Variants in BRCA2 observed in about 807,000 individuals in gnomAD.
The protein encoded by BRCA2 is breast cancer type 2 susceptibility protein.
A neutral mutation model predicts 276.7 loss-of-function variants in BRCA2; 203 were observed. That is an observed-to-expected ratio of 0.73 (90% CI 0.65 to 0.82). The LOEUF is 0.82. Among genes scored for constraint, BRCA2 ranks in the 40% least tolerant of loss-of-function variants. The probability of loss-of-function intolerance (pLI) is 0.00; values close to 1 mark genes in which losing one functional copy is unlikely to be tolerated. For synonymous variants in BRCA2, 1,289 were observed against 1,338.4 expected (o/e 0.96, Z 0.81); for missense variants, 3,920 against 3,915.0 (o/e 1.00, Z -0.03).
rs80358820 is a variant in BRCA2, at chr13:32,340,237, G to T, written c.5882G>T (p.Ser1961Ile). The T allele has an allele frequency of 2.5e-6, 4 of 1,613,970 alleles. 1 individual carries two copies. The South Asian group carries it at 4.4e-5, about 18-fold the overall frequency. Residue 1961 changes from serine to isoleucine, a missense_variant, in exon 11 of 27, where the codon AGT (serine) becomes ATT (isoleucine). Physicochemically the swap from Ser to Ile is moderately radical, Grantham distance 142 (BLOSUM62 -2). Around this residue, in one of 2 missense-constraint regions of BRCA2, gnomAD observed 3,263 missense variants for 3,156.9 expected, o/e 1.03. Transcript: ENST00000380152. ...GAAACTTCAGATATATGTAAATGTA[G>T]TATAGGGAAGCTTCATAAGTCAGTC... ...SLETSDICKC[S>I]IGKLHKSVSS...
rs542862629 is a variant in BRCA2, at chr13:32,360,687, C to T, written c.7806-1836C>T. On this transcript the variant is annotated intron_variant, in intron 16 of 26. Coordinates refer to ENST00000380152, the MANE Select transcript of BRCA2 (RefSeq NM_000059.4). The stretch of plus-strand genomic sequence containing the variant: ...CTGACTTATTTTTGAAAAAATAATT[C>T]TGGCTGTTTGTTGAGGAGAGGGGCA... Among the ~76,000 whole-genome samples, 16 of 152,198 alleles carry T rather than the reference C, an allele frequency of 1.1e-4. No individual in the cohort carries two copies. The South Asian group carries it at 2.7e-3, about 26-fold the overall frequency.
chr13:32,379,490 C>T lies in BRCA2; in HGVS notation c.8928C>T (p.Ser2976=), dbSNP rs771267741. 1.9e-6 allele frequency: 3 copies of T among 1,612,446 alleles called. No individual in the cohort carries two copies. Among genetic ancestry groups the T allele is most frequent in the East Asian group, 4.5e-5 (2 of 44,832 alleles). The part of the protein sequence containing the change: ...VTTVWKLRIV[S]YSKKEKDSVI... ...CCGTGTGGAAGTTGCGTATTGTAAGCTATTCAAAAAAAGAAAAAGATTCAG... is the reference window on the plus strand; with the variant it reads ...CCGTGTGGAAGTTGCGTATTGTAAGTTATTCAAAAAAAGAAAAAGATTCAG... Residue 2976 remains serine, a synonymous_variant, in exon 22 of 27, where the codon AGC becomes AGT. Transcript: ENST00000380152.
At chr13:32,335,532 G>GT (rs1233952320) in intron 10 of BRCA2, among the ~76,000 whole-genome samples, 1 of 151,758 alleles carries the variant, frequency 6.6e-6, no homozygotes. Flanking sequence ...TTGTGGTTTT[G>GT]TTTTTTTCAA....
rs199863034 is a variant in BRCA2 at position 32,338,397 on chromosome 13, T to A, written c.4042T>A (p.Cys1348Ser). 1.9e-6 allele frequency: 3 copies of A among 1,600,844 alleles called. No individual in the cohort carries two copies. In the African/African-American group the frequency reaches 4.0e-5, roughly 22 times the overall value. Reference protein sequence around the residue: ...GSDSSKNDTVCIHKDETDLLF... With the variant: ...GSDSSKNDTVSIHKDETDLLF... ...TGATTCAAGTAAAAATGATACTGTTTGTATTCATAAAGATGAAACGGACTT... is the reference window on the plus strand; with the variant it reads ...TGATTCAAGTAAAAATGATACTGTTAGTATTCATAAAGATGAAACGGACTT... Residue 1348 changes from cysteine (C) to serine (S), a missense_variant, in exon 11 of 27, where the codon TGT becomes AGT. This residue lies in a region of BRCA2 where 3,263 missense variants were observed against 3,156.9 expected (regional missense o/e 1.03). Transcript: ENST00000380152.
At chr13:32,319,582 A>G (rs2072292357) in intron 3 of BRCA2, among the ~76,000 whole-genome samples, 1 of 152,166 alleles carries the variant, frequency 6.6e-6, no homozygotes. Context: ...GATTTGCTGA[A>G]TTACGTCTTT....
At chr13:32,378,882 A>T (rs1203425170) in intron 21 of BRCA2, among the ~76,000 whole-genome samples, 2 of 152,152 alleles carry the variant, frequency 1.3e-5, no homozygotes, top group Non-Finnish European at 2.9e-5. Context: ...TCTAGGGCCA[A>T]CCTCTACTAC....
In BRCA2 at chr13:32,380,154, C is replaced by T; in HGVS notation, c.9256+9C>T. 2 of 1,600,996 alleles carry T rather than the reference C, an allele frequency of 1.2e-6. No homozygotes were observed. The highest frequency in any genetic ancestry group is 2.3e-5 in the South Asian group (2 of 88,118). On this transcript the variant is annotated intron_variant, in intron 24 of 26. Coordinates refer to ENST00000380152, the MANE Select transcript of BRCA2 (RefSeq NM_000059.4). ...TGTTGTGAAAAAAACAGGTAATGCA[C>T]AATATAGTTAATTTTTTTTATTGAT...
In BRCA2 at chr13:32,340,966, C is replaced by T. The variant is rs1555284771; in HGVS notation, c.6611C>T (p.Pro2204Leu). Residue 2204 changes from proline (P) to leucine (L), a missense_variant, in exon 11 of 27, where the codon CCT (proline) becomes CTT (leucine). Physicochemically the swap from Pro to Leu is moderately conservative, Grantham distance 98. Transcript: ENST00000380152. ...IGKTETFSDV[P>L]VKTNIEVCST... Reference sequence around the variant, plus strand: ...AAAACTGAAACTTTTTCTGATGTTCCTGTGAAAACAAATATAGAAGTTTGT... The same window carrying T: ...AAAACTGAAACTTTTTCTGATGTTCTTGTGAAAACAAATATAGAAGTTTGT... 1 of 1,608,908 alleles carries T rather than the reference C, an allele frequency of 6.2e-7. No homozygotes were observed. Among genetic ancestry groups the T allele is most frequent in the Non-Finnish European group, 8.5e-7 (1 of 1,178,708 alleles).
intron 20 of BRCA2, among the ~76,000 whole-genome samples, 167 bp downstream of exon 20, chr13:32,371,267 G>A (rs1298628504): frequency 6.6e-6 from 1 of 151,980 alleles, no homozygotes; most frequent in Admixed American, 6.6e-5. Flanking sequence ...ACAAAGAATA[G>A]CAACAAGGGA....
chr13:32,382,452 G>A (rs1426841277), intron 24 of BRCA2, among the ~76,000 whole-genome samples: 2 of 152,208 alleles, frequency 1.3e-5, no homozygotes, highest in Non-Finnish European at 2.9e-5. Context: ...AGTGAGGTAT[G>A]CTGAAAGCCA....
intron 2 of BRCA2, among the ~76,000 whole-genome samples, chr13:32,318,270 A>G (rs1418433152): frequency 6.6e-6 from 1 of 152,204 alleles, no homozygotes; most frequent in East Asian, 1.9e-4. Flanking sequence ...AGTAGTTTTG[A>G]ACTGTAATGG....
chr13:32,381,236 C>A (rs142693287), intron 24 of BRCA2, among the ~76,000 whole-genome samples: 1 of 151,924 alleles, frequency 6.6e-6, no homozygotes, highest in African/African-American at 2.4e-5. Context: ...GGGTACATAG[C>A]GATTAACAAA....
intron 11 of BRCA2, among the ~76,000 whole-genome samples, chr13:32,342,258 G>A (rs1299251332): frequency 7.6e-6 from 1 of 130,794 alleles, no homozygotes; most frequent in Non-Finnish European, 1.6e-5. Context: ...GGGCAACAGA[G>A]CGAGACTGTC....
Position 32,337,433 on chromosome 13 carries a change from G to A in BRCA2, c.3078G>A (p.Lys1026=), listed in dbSNP as rs762692063. 5 of 1,613,012 alleles carry A rather than the reference G, an allele frequency of 3.1e-6. No homozygotes were observed. The Admixed American group carries it at 5.0e-5, about 16-fold the overall frequency. ...AGCTCTCTGAACATAACATTAAGAA[G>A]AGCAAAATGTTCTTCAAAGATATTG... is the stretch of plus-strand genomic sequence containing the variant. ...EIKLSEHNIK[K]SKMFFKDIEE... The change falls in exon 11 of 27, where the codon AAG becomes AAA. Residue 1026 remains lysine (K), a synonymous_variant. Transcript: ENST00000380152.
rs1209165422 is a variant in BRCA2 at position 32,362,136 on chromosome 13, C to T, written c.7806-387C>T. On this transcript the variant is annotated intron_variant, in intron 16 of 26. Transcript: ENST00000380152. ...CTCCTGGGCTCAAGCAATCCTCCCA[C>T]CACAGCCTCCTAAGTAGCTGGGACC... Among the ~76,000 whole-genome samples the T allele has an allele frequency of 2.6e-5, 4 of 152,230 alleles. No individual in the cohort carries two copies. In the East Asian group the frequency reaches 5.8e-4, roughly 22 times the overall value.
At chr13:32,335,709 A>G (rs1373288145) in intron 10 of BRCA2, among the ~76,000 whole-genome samples, 1 of 152,012 alleles carries the variant, frequency 6.6e-6, no homozygotes, top group Non-Finnish European at 1.5e-5. Flanking sequence ...CCTAGATACT[A>G]ATTTTGATTG....
chr13:32,320,237 A>C (rs1720567349), intron 3 of BRCA2, among the ~76,000 whole-genome samples: 1 of 152,244 alleles, frequency 6.6e-6, no homozygotes, highest in Admixed American at 6.5e-5. Flanking sequence ...GTTGGTGAGC[A>C]GAGAAATCAC....
intron 13 of BRCA2, among the ~76,000 whole-genome samples, chr13:32,349,814 CAAAA>C (rs11327981): frequency 1.0e-4 from 12 of 115,738 alleles, no homozygotes; most frequent in Admixed American, 9.6e-5. Context: ...GACCCCACAT[CAAAA>C]AAAAAAAAAA....
rs398122588 is a variant in BRCA2, at chr13:32,357,785, G to A, written c.7661G>A (p.Ser2554Asn). 6.2e-7 allele frequency: 1 copy of A among 1,613,696 alleles called. No individual in the cohort carries two copies. The highest frequency in any genetic ancestry group is 1.7e-5 in the Admixed American group (1 of 60,010). The change falls in exon 16 of 27, where the codon AGC (serine) becomes AAC (asparagine). Residue 2554 changes from serine to asparagine, a missense_variant. By Grantham distance (46) the Ser-to-Asn change is conservative. Coordinates refer to ENST00000380152, the MANE Select transcript of BRCA2 (RefSeq NM_000059.4). Reference sequence around the variant, plus strand: ...TCTAAACATTGCATAAAAATTAACAGCAAAAATGCAGAGTCTTTTCAGTTT... The same window carrying A: ...TCTAAACATTGCATAAAAATTAACAACAAAAATGCAGAGTCTTTTCAGTTT... ...GVSKHCIKINSKNAESFQFHT... is the reference protein window; with the variant it reads ...GVSKHCIKINNKNAESFQFHT...
Sources: allele counts gnomAD v4.1 joint callset (sites outside exome capture counted in the v4.1 genomes callset), GRCh38; gene constraint gnomAD v4.1.1; regional missense constraint gnomAD v4.1.1; transcripts MANE v1.5; gene names NCBI Gene and HGNC (gene_info 2026-07-23, HGNC 2026-07-21).